PDCD4: variants seen among roughly 807,000 people sequenced by gnomAD.
PDCD4 encodes programmed cell death protein 4.
A neutral mutation model predicts 54.0 loss-of-function variants in PDCD4; 56 were observed. That is an observed-to-expected ratio of 1.04 (90% CI 0.84 to 1.30). The LOEUF (loss-of-function observed/expected upper bound fraction) is 1.30, where lower values mean the gene tolerates loss of function less well. PDCD4 is among the 50% of genes most tolerant of loss of function. PDCD4 has a pLI of 0.00. For synonymous variants in PDCD4, 186 were observed against 194.8 expected, an observed-to-expected ratio of 0.95 and a Z score of 0.37; for missense variants, 584 against 559.8, an observed-to-expected ratio of 1.04 and a Z score of -0.44.
intron 2 of PDCD4, among the ~76,000 whole-genome samples, chr10:110,879,644 C>T (rs547305779): frequency 4.8e-4 from 70 of 146,276 alleles, no homozygotes; most frequent in Middle Eastern, 3.6e-3. Context: ...CAGAGCGACA[C>T]GCTGTCTCAA....
At chr10:110,895,025 T>G (rs1193061931) in intron 10 of PDCD4, among the ~76,000 whole-genome samples, 3 of 152,014 alleles carry the variant, frequency 2.0e-5, no homozygotes, top group Non-Finnish European at 4.4e-5. Flanking sequence ...AGAACAGTAT[T>G]TAAAAAAAAT....
intron 3 of PDCD4, 75 bp downstream of exon 3, chr10:110,881,610 T>G (rs1222869993): frequency 2.4e-6 from 3 of 1,227,226 alleles, no homozygotes; most frequent in Non-Finnish European, 3.4e-6. Context: ...TACTACACTT[T>G]CCTTGTTCTA....
chr10:110,887,922 A>G (rs769034727), intron 6 of PDCD4, 36 bp downstream of exon 6: 10 of 1,337,494 alleles, frequency 7.5e-6, no homozygotes, highest in Non-Finnish European at 9.7e-6. Context: ...ATTCCCTCCC[A>G]CTACTATATT....
rs748885694 is a variant in PDCD4, at chr10:110,881,253, T to A, written c.64T>A (p.Ser22Thr). Residue 22 changes from serine to threonine, a missense_variant, in exon 3 of 12, where the codon TCT becomes ACT. By Grantham distance (58) the Ser-to-Thr change is moderately conservative (BLOSUM62 1). Transcript: ENST00000280154. ...NPADPDNLSD[S>T]LFSGDEENAG... ...TTAAGATCCTGATAACTTAAGTGACTCTCTCTTTTCCGGTGATGAAGAAAA... is the reference window on the plus strand; with the variant it reads ...TTAAGATCCTGATAACTTAAGTGACACTCTCTTTTCCGGTGATGAAGAAAA... 1.9e-6 allele frequency: 3 copies of A among 1,612,350 alleles called. No individual in the cohort carries two copies. Among genetic ancestry groups the A allele is most frequent in the Non-Finnish European group, 1.7e-6 (2 of 1,178,872 alleles).
chr10:110,881,490 G>A lies in PDCD4; in HGVS notation c.301G>A (p.Asp101Asn), dbSNP rs1289224158. The A allele has an allele frequency of 1.9e-6, 3 of 1,613,914 alleles. No homozygotes were observed. The highest frequency in any genetic ancestry group is 2.5e-6 in the Non-Finnish European group (3 of 1,179,774). Residue 101 changes from aspartate (D) to asparagine (N), a missense_variant, in exon 3 of 12, where the codon GAT (aspartate) becomes AAT (asparagine). Asp to Asn is a conservative substitution (Grantham distance 23). Transcript: ENST00000280154. The stretch of plus-strand genomic sequence containing the variant: ...AACCAGTCCAAAGGGAAGGTTGCTG[G>A]ATAGGCGATCCAGATCTGGGAAAGG... ...VPTSPKGRLL[D>N]RRSRSGKGRG...
At position 110,893,961 on chromosome 10, in the gene PDCD4, A is replaced by G. The variant is rs144011058; in HGVS notation, c.991-130A>G. ...TTCTGTTGTAATAGTACCACATCCA[A>G]TGTATATGTTATTAGCTGTTTGTTA... On this transcript the variant is annotated intron_variant, in intron 8 of 11. Coordinates refer to ENST00000280154, the MANE Select transcript of PDCD4 (RefSeq NM_014456.5). The G allele has an allele frequency of 1.8e-3, 1,039 of 575,060 alleles. 6 individuals carry two copies. The highest frequency in any genetic ancestry group is 0.018 in the African/African-American group (935 of 53,248). 35.6% of individuals were successfully genotyped at this position (575,060 alleles called of 1,614,324 possible).
At chr10:110,895,040 T>C (rs999318136) in intron 10 of PDCD4, among the ~76,000 whole-genome samples, 1 of 152,082 alleles carries the variant, frequency 6.6e-6, no homozygotes, top group Non-Finnish European at 1.5e-5. Flanking sequence ...AAAAATTTTT[T>C]AGCTATGTAA....
intron 10 of PDCD4, 39 bp from the exon 11 acceptor site, chr10:110,895,909 T>C: frequency 6.8e-7 from 1 of 1,480,010 alleles, no homozygotes; most frequent in Non-Finnish European, 9.1e-7. Flanking sequence ...ATTTATTTTA[T>C]ATGGGCTAAC....
At chr10:110,892,352 T>G (rs961027090) in intron 8 of PDCD4, among the ~76,000 whole-genome samples, 1 of 152,140 alleles carries the variant, frequency 6.6e-6, no homozygotes, top group East Asian at 1.9e-4. Context: ...TAAAGAAAAT[T>G]GACAAGATAA....
At chr10:110,881,889 A>G (rs1326691749) in intron 3 of PDCD4, among the ~76,000 whole-genome samples, 3 of 152,190 alleles carry the variant, frequency 2.0e-5, no homozygotes, top group African/African-American at 4.8e-5. Context: ...AATTATGTCC[A>G]TTACTACTAC....
rs770975772 is a variant in PDCD4, at chr10:110,881,269, A to G, written c.80A>G (p.Asp27Gly). 2.5e-6 allele frequency: 4 copies of G among 1,613,394 alleles called. No homozygotes were observed. In the South Asian group the frequency reaches 4.4e-5, roughly 18 times the overall value. Residue 27 changes from aspartate (D) to glycine (G), a missense_variant, in exon 3 of 12, where the codon GAT becomes GGT. By Grantham distance (94) the Asp-to-Gly change is moderately conservative. Transcript: ENST00000280154. ...TTAAGTGACTCTCTCTTTTCCGGTG[A>G]TGAAGAAAATGCTGGGACTGAGGAA... ...DNLSDSLFSG[D>G]EENAGTEEIK...
At chr10:110,882,962 G>A (rs751495135) in intron 3 of PDCD4, 41 bp from the exon 4 acceptor site, 15 of 1,165,338 alleles carry the variant, frequency 1.3e-5, no homozygotes, top group Non-Finnish European at 1.7e-5. Flanking sequence ...ACAAATTGAT[G>A]AATTTTGTGT....
chr10:110,891,548 T>C (rs537980517), intron 8 of PDCD4, among the ~76,000 whole-genome samples: 15 of 152,202 alleles, frequency 9.9e-5, no homozygotes, highest in Non-Finnish European at 1.9e-4. Flanking sequence ...TGCAGATCTC[T>C]TTAAGAAAAG....
At chr10:110,894,322 T>G in intron 9 of PDCD4, 90 bp from the exon 10 acceptor site, 1 of 897,848 alleles carries the variant, frequency 1.1e-6, no homozygotes, top group South Asian at 1.4e-5. Flanking sequence ...GTTATTAAAT[T>G]TCTACGATTA....
rs953420949 is a variant in PDCD4, at chr10:110,898,329, A to C, written c.*241A>C. ...AACCTCTTCTTAAGTGGAATATTCT[A>C]ATAAGCTACCTTTTGTAAGTGCCAT... is the stretch of plus-strand genomic sequence containing the variant. On this transcript the variant is annotated 3_prime_UTR_variant, in exon 12 of 12. Coordinates refer to ENST00000280154, the MANE Select transcript of PDCD4 (RefSeq NM_014456.5). 11 of 324,630 alleles carry C rather than the reference A, an allele frequency of 3.4e-5. No individual in the cohort carries two copies. The highest frequency in any genetic ancestry group is 5.0e-5 in the Non-Finnish European group (9 of 180,950). The allele number at this position is 324,630 out of a possible 1,614,324, so 20.1% of individuals were successfully genotyped here.
In PDCD4 at chr10:110,898,226, C is replaced by T. The variant is rs1032781331; in HGVS notation, c.*138C>T. Reference sequence around the variant, plus strand: ...GCATTTCTGACATTTTATAAACCTACATTTAAGGGGAATTTTTAAAGGAAA... The same window carrying T: ...GCATTTCTGACATTTTATAAACCTATATTTAAGGGGAATTTTTAAAGGAAA... On this transcript the variant is annotated 3_prime_UTR_variant, in exon 12 of 12. Coordinates refer to ENST00000280154, the MANE Select transcript of PDCD4 (RefSeq NM_014456.5). 6 of 422,328 alleles carry T rather than the reference C, an allele frequency of 1.4e-5. No homozygotes were observed. The highest frequency in any genetic ancestry group is 4.4e-5 in the Admixed American group (1 of 22,978). 26.2% of individuals were successfully genotyped at this position (422,328 alleles called of 1,614,324 possible).
At chr10:110,894,763 AT>A (rs1258336457) in intron 10 of PDCD4, among the ~76,000 whole-genome samples, 8 of 142,520 alleles carry the variant, frequency 5.6e-5, no homozygotes, top group African/African-American at 2.1e-4. Flanking sequence ...GTAATTATGT[AT>A]TCTACCTCAA....
chr10:110,875,430 A>G (rs1311514508), intron 1 of PDCD4, among the ~76,000 whole-genome samples: 1 of 152,180 alleles, frequency 6.6e-6, no homozygotes, highest in Non-Finnish European at 1.5e-5. Context: ...TCTAGTAATT[A>G]TAGAGACCTA....
intron 2 of PDCD4, among the ~76,000 whole-genome samples, chr10:110,878,675 A>G (rs1042078423): frequency 3.3e-5 from 5 of 152,140 alleles, no homozygotes; most frequent in Non-Finnish European, 7.3e-5. Context: ...CTGTAGTTAT[A>G]TGGGATTAAA....
Sources: gnomAD v4.1 joint callset for allele counts (sites outside exome capture counted in the v4.1 genomes callset) on GRCh38, gnomAD v4.1.1 for gene constraint, MANE v1.5 for transcripts, NCBI Gene and HGNC (gene_info 2026-07-23, HGNC 2026-07-21) for gene names.